Variants in RAD54L2 observed in about 807,000 individuals in gnomAD.
RAD54L2 encodes RAD54 like 2.
Under a neutral mutation model 138.4 loss-of-function variants are expected in RAD54L2, and 27 were observed. The ratio of observed to expected loss-of-function variants is 0.20; its 90% CI spans 0.14 to 0.27. The LOEUF (loss-of-function observed/expected upper bound fraction) is 0.27. Among genes scored for constraint, RAD54L2 ranks in the 10% least tolerant of loss-of-function variants. RAD54L2 has a pLI of 1.00. For synonymous variants in RAD54L2, 644 were observed against 723.2 expected (o/e 0.89, Z 1.76); for missense variants, 1,396 against 1,890.2 (o/e 0.74, Z 4.85).
intron 3 of RAD54L2, among the ~76,000 whole-genome samples, chr3:51,594,175 G>T (rs1333932218): frequency 6.8e-6 from 1 of 147,160 alleles, no homozygotes; most frequent in Non-Finnish European, 1.5e-5. Flanking sequence ...AGTTCAAGCA[G>T]TTCTCCCACC....
chr3:51,560,002 G>A (rs1057021478), intron 2 of RAD54L2, among the ~76,000 whole-genome samples: 2 of 152,174 alleles, frequency 1.3e-5, no homozygotes, highest in Non-Finnish European at 1.5e-5. Flanking sequence ...TGTATGCTGT[G>A]TGAATCCTCA....
intron 3 of RAD54L2, among the ~76,000 whole-genome samples, chr3:51,603,977 G>GTT (rs1477602709): frequency 6.6e-6 from 1 of 152,162 alleles, no homozygotes; most frequent in Non-Finnish European, 1.5e-5. Flanking sequence ...CCTGTATGGG[G>GTT]GATAAGGGAT....
At chr3:51,551,101 A>C (rs1450193320) in intron 2 of RAD54L2, among the ~76,000 whole-genome samples, 1 of 151,736 alleles carries the variant, frequency 6.6e-6, no homozygotes, top group Non-Finnish European at 1.5e-5. Context: ...GTTATAGTCT[A>C]TCTACCTTTC....
intron 2 of RAD54L2, among the ~76,000 whole-genome samples, chr3:51,566,150 A>G (rs924893371): frequency 6.6e-6 from 1 of 152,144 alleles, no homozygotes; most frequent in African/African-American, 2.4e-5. Flanking sequence ...TATGTCTAGT[A>G]GTTTGACTAT....
chr3:51,618,700 G>A (rs151151323), intron 3 of RAD54L2, among the ~76,000 whole-genome samples: 3 of 152,324 alleles, frequency 2.0e-5, no homozygotes, highest in East Asian at 1.9e-4. Flanking sequence ...TTGAGCTGAC[G>A]CTGTAATGAC....
intron 1 of RAD54L2, among the ~76,000 whole-genome samples, chr3:51,540,303 G>A (rs1698518331): frequency 6.6e-6 from 1 of 152,184 alleles, no homozygotes; most frequent in Admixed American, 6.5e-5. Flanking sequence ...CATGAAGTGA[G>A]TTCGTTGAAT....
intron 2 of RAD54L2, among the ~76,000 whole-genome samples, chr3:51,556,725 C>T (rs560482915): frequency 4.9e-4 from 75 of 152,080 alleles, no homozygotes; most frequent in African/African-American, 1.8e-3. Flanking sequence ...TACAGCCATG[C>T]GCCACCATGC....
At chr3:51,594,990 G>T (rs1699930545) in intron 3 of RAD54L2, among the ~76,000 whole-genome samples, 1 of 146,618 alleles carries the variant, frequency 6.8e-6, no homozygotes, top group South Asian at 2.2e-4. Context: ...TCAGCCTCCT[G>T]AGTAGCTGGG....
chr3:51,541,237 T>G (rs1224171447), intron 1 of RAD54L2: 1 of 152,184 alleles, frequency 6.6e-6, no homozygotes, highest in Non-Finnish European at 1.5e-5. Flanking sequence ...GTGATTCAGG[T>G]ATATCAAGCT....
At chr3:51,547,454 G>A (rs1553672530) in intron 2 of RAD54L2, among the ~76,000 whole-genome samples, 1 of 151,746 alleles carries the variant, frequency 6.6e-6, no homozygotes, top group Non-Finnish European at 1.5e-5. Context: ...AGGCACATTG[G>A]AGGTACTAAC....
chr3:51,554,919 T>A (rs1315834642), intron 2 of RAD54L2, among the ~76,000 whole-genome samples: 1 of 152,194 alleles, frequency 6.6e-6, no homozygotes, highest in African/African-American at 2.4e-5. Flanking sequence ...CTCTGCTTAC[T>A]GCAGCCTCTG....
chr3:51,545,561 AT>A (rs1289279930), intron 2 of RAD54L2, among the ~76,000 whole-genome samples: 4 of 151,594 alleles, frequency 2.6e-5, no homozygotes, highest in African/African-American at 2.4e-5. Flanking sequence ...TTTTTTTAAG[AT>A]TTTTTTTAAA....
At chr3:51,550,948 G>A (rs1698819900) in intron 2 of RAD54L2, among the ~76,000 whole-genome samples, 2 of 152,262 alleles carry the variant, frequency 1.3e-5, no homozygotes, top group South Asian at 4.1e-4. Context: ...TTGGGAGGCT[G>A]AGGCACAAGA....
chr3:51,551,385 G>A (rs184028421), intron 2 of RAD54L2, among the ~76,000 whole-genome samples: 5 of 151,770 alleles, frequency 3.3e-5, no homozygotes, highest in East Asian at 3.9e-4. Flanking sequence ...TGCCTGTGTC[G>A]GCCTCCCAAA....
chr3:51,559,632 TC>T (rs2106637697), intron 2 of RAD54L2, among the ~76,000 whole-genome samples: 1 of 152,348 alleles, frequency 6.6e-6, no homozygotes, highest in East Asian at 1.9e-4. Context: ...ATGCATGTTT[TC>T]TGGGCTTGGC....
At chr3:51,626,434 A>ATTTTTTTTTTTTTTTTTTTTTT (rs1302087610) in intron 3 of RAD54L2, among the ~76,000 whole-genome samples, 1 of 12,292 alleles carries the variant, frequency 8.1e-5, no homozygotes, top group Admixed American at 8.4e-4. Context: ...ACCCCCAACG[A>ATTTTTTTTTTTTTTTTTTTTTT]TCTTTTTTTT....
chr3:51,650,369 C>G (rs1346120905), intron 19 of RAD54L2, among the ~76,000 whole-genome samples: 1 of 152,172 alleles, frequency 6.6e-6, no homozygotes, highest in Non-Finnish European at 1.5e-5. Flanking sequence ...CAAGATTAGA[C>G]AGATCAACGA....
chr3:51,614,722 G>C (rs2106766590), intron 3 of RAD54L2, among the ~76,000 whole-genome samples: 1 of 152,122 alleles, frequency 6.6e-6, no homozygotes, highest in East Asian at 1.9e-4. Flanking sequence ...TGTGTTGCCT[G>C]GGCTGGTCTT....
intron 3 of RAD54L2, among the ~76,000 whole-genome samples, chr3:51,614,219 T>C (rs1052659296): frequency 6.6e-6 from 1 of 152,056 alleles, no homozygotes; most frequent in Non-Finnish European, 1.5e-5. Context: ...TAGAGGGCAG[T>C]GGAATGATCT....
Sources: allele counts gnomAD v4.1 joint callset (sites outside exome capture counted in the v4.1 genomes callset), GRCh38; gene constraint gnomAD v4.1.1; transcripts MANE v1.5; gene names NCBI Gene and HGNC (gene_info 2026-07-23, HGNC 2026-07-21).